The following WDR33 variants were observed in gnomAD, a reference collection of about 807,000 sequenced individuals.
WDR33 encodes pre-mRNA 3' end processing protein WDR33.
A neutral mutation model predicts 164.9 loss-of-function variants in WDR33; 47 were observed. The ratio of observed to expected loss-of-function variants is 0.29; its 90% CI spans 0.23 to 0.36. WDR33 has a LOEUF of 0.36. Ranked by LOEUF, WDR33 falls within the 10% of genes least tolerant of loss-of-function variation. WDR33 has a pLI of 1.00. For synonymous variants in WDR33, 505 were observed against 589.0 expected, an observed-to-expected ratio of 0.86 and a Z score of 2.06; for missense variants, 1,137 against 1,754.1, an observed-to-expected ratio of 0.65 and a Z score of 6.28.
At chr2:127,731,091 T>C (rs1686694043) in intron 7 of WDR33, among the ~76,000 whole-genome samples, 1 of 151,846 alleles carries the variant, frequency 6.6e-6, no homozygotes, top group Non-Finnish European at 1.5e-5. Context: ...TCCAGAAGTT[T>C]TGAGACCAGC....
At chr2:127,744,790 A>G (rs954547318) in intron 7 of WDR33, among the ~76,000 whole-genome samples, 1 of 152,150 alleles carries the variant, frequency 6.6e-6, no homozygotes, top group Non-Finnish European at 1.5e-5. Context: ...TCCATATGGC[A>G]TATTGTGTAG....
chr2:127,739,702 A>G (rs1276056661), intron 7 of WDR33, among the ~76,000 whole-genome samples: 4 of 152,252 alleles, frequency 2.6e-5, no homozygotes, highest in Non-Finnish European at 5.9e-5. Flanking sequence ...CATTCAATGA[A>G]TAAAAGCTTT....
At position 127,721,472 on chromosome 2, in the gene WDR33, C is replaced by T. The variant is rs1018720030; in HGVS notation, c.1671+364G>A. Among the ~76,000 whole-genome samples the T allele has an allele frequency of 4.6e-5, 7 of 152,046 alleles. No homozygotes were observed. The highest frequency in any genetic ancestry group is 2.1e-4 in the South Asian group (1 of 4,820). On this transcript the variant is annotated intron_variant, in intron 15 of 21. Coordinates refer to ENST00000322313, the MANE Select transcript of WDR33 (RefSeq NM_018383.5). This position sits in a 1 kb window ranked among gnomAD's most constrained non-coding sequence, Gnocchi z 4.9. ...GTCACTTAAAAAAAAATTAGTCAGA[C>T]GTGATGGTGCATGCCTGTGGTCTCT... is the stretch of plus-strand genomic sequence containing the variant.
chr2:127,703,310 G>A lies in WDR33; in HGVS notation c.*3013C>T, dbSNP rs147504822. 8.1e-4 allele frequency: 135 copies of A among 167,180 alleles called. No homozygotes were observed. Among genetic ancestry groups the A allele is most frequent in the African/African-American group, 2.9e-3 (121 of 41,576 alleles). 10.4% of individuals were successfully genotyped at this position (167,180 alleles called of 1,614,324 possible). A position where few individuals can be genotyped will look rare whatever the true frequency, so the allele number is the denominator to read the frequency against. ...TCCCAGACATCAGGACCTTTTTAAA[G>A]CTCCCCAAGTGATTCTACGTTCCCC... On this transcript the variant is annotated 3_prime_UTR_variant, in exon 22 of 22. Transcript: ENST00000322313.
Position 127,784,831 on chromosome 2 carries a change from A to C in WDR33, c.-23-13827T>G, listed in dbSNP as rs145939709. Among the ~76,000 whole-genome samples, 513 of 152,334 alleles carry C rather than the reference A, an allele frequency of 3.4e-3. 1 individual carries two copies. Among genetic ancestry groups the C allele is most frequent in the African/African-American group, 0.012 (497 of 41,570 alleles). ...ATACTGGTTCCAGAGAATTACGTAT[A>C]TCATCCAATTTTTATCACATTCCTT... On this transcript the variant is annotated intron_variant, in intron 1 of 21. Coordinates refer to ENST00000322313, the MANE Select transcript of WDR33 (RefSeq NM_018383.5).
intron 7 of WDR33, among the ~76,000 whole-genome samples, chr2:127,761,096 G>C (rs1272295791): frequency 1.3e-5 from 2 of 152,116 alleles, no homozygotes; most frequent in African/African-American, 4.8e-5. Context: ...ACTCAAAAAC[G>C]TTATCACATA....
chr2:127,800,700 A>G (rs991538609), intron 1 of WDR33, among the ~76,000 whole-genome samples: 1 of 151,904 alleles, frequency 6.6e-6, no homozygotes, highest in Admixed American at 6.6e-5. Flanking sequence ...TTGCAGAGGG[A>G]AAAAAATAAT....
rs755900512 is a variant in WDR33 at position 127,726,414 on chromosome 2, C to T, written c.851+237G>A. On this transcript the variant is annotated intron_variant, in intron 8 of 21. Coordinates refer to ENST00000322313, the MANE Select transcript of WDR33 (RefSeq NM_018383.5). This position sits in a 1 kb window ranked among gnomAD's most constrained non-coding sequence, Gnocchi z 4.8. The stretch of plus-strand genomic sequence containing the variant: ...CTCCCTCCTCATCCTCCTCCCCACC[C>T]GTATATAACAACCAAATTAAACTTA... Among the ~76,000 whole-genome samples, 4 of 152,166 alleles carry T rather than the reference C, an allele frequency of 2.6e-5. No homozygotes were observed. The highest frequency in any genetic ancestry group is 4.4e-5 in the Non-Finnish European group (3 of 68,038).
In WDR33 at chr2:127,720,578, T is replaced by C. The variant is rs542408839; in HGVS notation, c.1672-225A>G. Among the ~76,000 whole-genome samples the C allele has an allele frequency of 6.6e-6, 1 of 152,262 alleles. No individual in the cohort carries two copies. Among genetic ancestry groups the C allele is most frequent in the African/African-American group, 2.4e-5 (1 of 41,542 alleles). ...TCCTGGGACACAGTAGTAAGGATTT[T>C]TTTTTCCTTATTTTTTTTTTCTGTC... is the stretch of plus-strand genomic sequence containing the variant. On this transcript the variant is annotated intron_variant, in intron 15 of 21. Transcript: ENST00000322313. This position sits in a 1 kb window ranked among gnomAD's most constrained non-coding sequence, Gnocchi z 5.9.
intron 1 of WDR33, among the ~76,000 whole-genome samples, chr2:127,781,605 T>C (rs1243589797): frequency 6.6e-6 from 1 of 152,208 alleles, no homozygotes; most frequent in East Asian, 1.9e-4. Flanking sequence ...AGGATCTCTC[T>C]GTATTATTTC....
chr2:127,801,902 C>T (rs113472280), intron 1 of WDR33, among the ~76,000 whole-genome samples: 33,410 of 151,624 alleles, frequency 0.22, 3,877 homozygotes, highest in Middle Eastern at 0.3. Context: ...TGGTTAAGGC[C>T]AGGCACAGTG....
chr2:127,707,558 TG>T (rs1686050989), intron 21 of WDR33, among the ~76,000 whole-genome samples: 2 of 152,244 alleles, frequency 1.3e-5, no homozygotes, highest in South Asian at 2.1e-4. Context: ...CTAATAATGG[TG>T]TGCTGAGTGC....
At position 127,709,450 on chromosome 2, in the gene WDR33, T is replaced by C; in HGVS notation, c.3565+40A>G. The stretch of plus-strand genomic sequence containing the variant: ...GGCCCTCAGAACTCACTTTGTGAAC[T>C]GCAGTCTAGAGTTACCCAACAAGCG... On this transcript the variant is annotated intron_variant, in intron 20 of 21. Coordinates refer to ENST00000322313, the MANE Select transcript of WDR33 (RefSeq NM_018383.5). The surrounding 1 kb of genome is among the most constrained non-coding windows in gnomAD (Gnocchi z 5.0). 6.3e-7 allele frequency: 1 copy of C among 1,594,334 alleles called. No individual in the cohort carries two copies. The highest frequency in any genetic ancestry group is 1.1e-5 in the South Asian group (1 of 90,730).
At position 127,718,985 on chromosome 2, in the gene WDR33, C is replaced by T. The variant is rs1460118180; in HGVS notation, c.2760+280G>A. On this transcript the variant is annotated intron_variant, in intron 16 of 21. Coordinates refer to ENST00000322313, the MANE Select transcript of WDR33 (RefSeq NM_018383.5). This position sits in a 1 kb window ranked among gnomAD's most constrained non-coding sequence, Gnocchi z 4.4. ...AGCCCTGGGACAATTATCAGCTGTA[C>T]TCAAATGAGAGTTGACCTTTTCTGA... Among the ~76,000 whole-genome samples the T allele has an allele frequency of 6.6e-6, 1 of 152,106 alleles. No homozygotes were observed. Among genetic ancestry groups the T allele is most frequent in the East Asian group, 1.9e-4 (1 of 5,176 alleles).
chr2:127,747,395 T>G (rs928198682), intron 7 of WDR33, among the ~76,000 whole-genome samples: 1 of 152,028 alleles, frequency 6.6e-6, no homozygotes, highest in African/African-American at 2.4e-5. Flanking sequence ...TATCCTCAGT[T>G]TGGTCCAAAT....
Position 127,708,594 on chromosome 2 carries a change from G to T in WDR33, c.3781+83C>A. The T allele has an allele frequency of 7.0e-7, 1 of 1,432,318 alleles. No individual in the cohort carries two copies. Among genetic ancestry groups the T allele is most frequent in the Non-Finnish European group, 9.4e-7 (1 of 1,060,306 alleles). The allele number at this position is 1,432,318 out of a possible 1,614,324, so 88.7% of individuals were successfully genotyped here. ...CATGTGCCTCTGCACAGCCCAGGCT[G>T]CAAGGGCATGTGCAGCAGATACAGG... On this transcript the variant is annotated intron_variant, in intron 21 of 21. Coordinates refer to ENST00000322313, the MANE Select transcript of WDR33 (RefSeq NM_018383.5). The surrounding 1 kb of genome is among the most constrained non-coding windows in gnomAD (Gnocchi z 6.7).
chr2:127,767,913 G>A (rs910335713), intron 4 of WDR33, among the ~76,000 whole-genome samples: 2 of 151,980 alleles, frequency 1.3e-5, no homozygotes, highest in Admixed American at 6.6e-5. Context: ...CTACTCAAAC[G>A]CAACTCTGAG....
At chr2:127,807,834 G>T (rs1383065175) in intron 1 of WDR33, among the ~76,000 whole-genome samples, 1 of 152,194 alleles carries the variant, frequency 6.6e-6, no homozygotes, top group Non-Finnish European at 1.5e-5. Context: ...GCTGGCAGCA[G>T]GGACTCATGA....
chr2:127,744,017 G>A (rs1168038718), intron 7 of WDR33, among the ~76,000 whole-genome samples: 1 of 152,152 alleles, frequency 6.6e-6, no homozygotes, highest in African/African-American at 2.4e-5. Context: ...TGGGGCTGGA[G>A]GAAAGACTTT....
Sources: allele counts gnomAD v4.1 joint callset (sites outside exome capture counted in the v4.1 genomes callset), GRCh38; gene constraint gnomAD v4.1.1; non-coding constraint Gnocchi (gnomAD v3.1); transcripts MANE v1.5; gene names NCBI Gene and HGNC (gene_info 2026-07-23, HGNC 2026-07-21).